ACAP3: variants seen among roughly 807,000 people sequenced by gnomAD.
The protein encoded by ACAP3 is arf-GAP with coiled-coil, ANK repeat and PH domain-containing protein 3.
ACAP3 carries 56 observed loss-of-function variants against 104.1 expected under a neutral mutation model. The ratio of observed to expected loss-of-function variants is 0.54; its 90% CI spans 0.43 to 0.67. The LOEUF is 0.67. Among genes scored for constraint, ACAP3 ranks in the 30% least tolerant of loss-of-function variants. The pLI is 0.00. For missense variants in ACAP3, 1,208 were observed against 1,174.9 expected, an observed-to-expected ratio of 1.03 and a Z score of -0.41; for synonymous variants, 628 against 496.2, an observed-to-expected ratio of 1.27 and a Z score of -3.53.
intron 1 of ACAP3, chr1:1,305,798 G>A (rs549725021): frequency 6.6e-6 from 1 of 152,350 alleles, no homozygotes; most frequent in South Asian, 2.1e-4. Context: ...CAGAGGCCAG[G>A]CGGTTCCCCT....
rs1641817161 is a variant in ACAP3 at position 1,307,910 on chromosome 1, G to A, written c.-95C>T. Reference sequence around the variant, plus strand: ...CCGCTCGTCCCGCCCGCGCCGCCTCGGCGCCCGCCCGCCCCGGAATGAGGC... The same window carrying A: ...CCGCTCGTCCCGCCCGCGCCGCCTCAGCGCCCGCCCGCCCCGGAATGAGGC... On this transcript the variant is annotated 5_prime_UTR_variant, in exon 1 of 24. Coordinates refer to ENST00000354700, the MANE Select transcript of ACAP3 (RefSeq NM_030649.3). 8.5e-6 allele frequency: 6 copies of A among 704,598 alleles called. No homozygotes were observed. The highest frequency in any genetic ancestry group is 2.0e-5 in the African/African-American group (1 of 50,604). 43.6% of individuals were successfully genotyped at this position (704,598 alleles called of 1,614,324 possible). A position where few individuals can be genotyped will look rare whatever the true frequency, so the allele number is the denominator to read the frequency against.
chr1:1,296,812 C>T (rs948544396), intron 14 of ACAP3, among the ~76,000 whole-genome samples, 179 bp from the exon 15 acceptor site: 1 of 141,556 alleles, frequency 7.1e-6, no homozygotes, highest in Non-Finnish European at 1.6e-5. Context: ...CTCGAGCACA[C>T]GCCCGCACAC....
At chr1:1,298,217 C>A in intron 12 of ACAP3, 104 bp from the exon 13 acceptor site, 1 of 1,569,336 alleles carries the variant, frequency 6.4e-7, no homozygotes, top group Non-Finnish European at 8.6e-7. Flanking sequence ...GCCTGAGCCC[C>A]AAGCCCCGTG....
intron 14 of ACAP3, among the ~76,000 whole-genome samples, chr1:1,297,111 G>A (rs1389947610): frequency 6.6e-6 from 1 of 152,106 alleles, no homozygotes; most frequent in Admixed American, 6.5e-5. Flanking sequence ...ACGTAGGTGT[G>A]TGCACCGGCA....
At chr1:1,294,011 G>A (rs865838201) in intron 22 of ACAP3, 78 bp from the exon 23 acceptor site, 1 of 1,475,876 alleles carries the variant, frequency 6.8e-7, no homozygotes, top group Middle Eastern at 2.0e-4. Context: ...TGGCCGGATA[G>A]GGCATGGCGG....
At position 1,293,666 on chromosome 1, in the gene ACAP3, C is replaced by G; in HGVS notation, c.2403G>C (p.Glu801Asp). ...ARMAEEMREAEAAPGPPGALA... is the reference protein window; with the variant it reads ...ARMAEEMREADAAPGPPGALA... ...GGGCGCCCGGGGGACCAGGGGCAGC[C>G]TCGGCCTCGCGCATTTCCTCCGCCA... is the stretch of plus-strand genomic sequence containing the variant. Residue 801 changes from glutamate to aspartate, a missense_variant, in exon 24 of 24, where the codon GAG (glutamate) becomes GAC (aspartate). Transcript: ENST00000354700. 6.9e-7 allele frequency: 1 copy of G among 1,457,394 alleles called. No individual in the cohort carries two copies. Among genetic ancestry groups the G allele is most frequent in the Non-Finnish European group, 9.0e-7 (1 of 1,114,088 alleles). The allele number at this position is 1,457,394 out of a possible 1,614,324, so 90.3% of individuals were successfully genotyped here.
chr1:1,293,823 A>G lies in ACAP3; in HGVS notation c.2360T>C (p.Leu787Pro). 7.5e-7 allele frequency: 1 copy of G among 1,332,850 alleles called. No individual in the cohort carries two copies. The highest frequency in any genetic ancestry group is 9.7e-7 in the Non-Finnish European group (1 of 1,030,592). 82.6% of individuals were successfully genotyped at this position (1,332,850 alleles called of 1,614,324 possible). A position where few individuals can be genotyped will look rare whatever the true frequency, so the allele number is the denominator to read the frequency against. ...VQAANADIVT[L>P]LRLARMAEEM... ...GCCCCGAGGGCCCGGCCGCGCTCAC[A>G]GTGTCACGATGTCAGCGTTGGCCGC... is the stretch of plus-strand genomic sequence containing the variant. The change falls in exon 23 of 24, where the codon CTG (leucine) becomes CCG (proline). Residue 787 changes from leucine to proline, a missense_variant and splice_region_variant. Leu to Pro is a moderately conservative substitution (Grantham distance 98). Coordinates refer to ENST00000354700, the MANE Select transcript of ACAP3 (RefSeq NM_030649.3).
chr1:1,304,353 C>G (rs1448287532), intron 1 of ACAP3: 1 of 601,570 alleles, frequency 1.7e-6, no homozygotes, highest in Non-Finnish European at 2.8e-6. Flanking sequence ...CAGGCAGAGG[C>G]AGCCGCTGCT....
intron 1 of ACAP3, chr1:1,304,631 C>A: frequency 6.0e-6 from 1 of 165,702 alleles, no homozygotes; most frequent in Non-Finnish European, 1.3e-5. Flanking sequence ...GTCCTGGCAG[C>A]ACCAGGAGGA....
chr1:1,298,817 G>A (rs1204072939), intron 10 of ACAP3, 138 bp from the exon 11 acceptor site: 2 of 679,614 alleles, frequency 2.9e-6, no homozygotes, highest in Non-Finnish European at 5.2e-6. Flanking sequence ...TCAGACGAGA[G>A]ACCCTCTGTT....
rs866964637 is a variant in ACAP3, at chr1:1,296,233, G to A, written c.1385C>T (p.Ser462Leu). ...CACCTTTAGCAGCTCAGGCTCCCACGAGTCCAGCGTCAGGGACCGCACCTT... is the reference window on the plus strand; with the variant it reads ...CACCTTTAGCAGCTCAGGCTCCCACAAGTCCAGCGTCAGGGACCGCACCTT... ...CSKVRSLTLD[S>L]WEPELLKLMC... Residue 462 changes from serine to leucine, a missense_variant, in exon 16 of 24, where the codon TCG becomes TTG. Coordinates refer to ENST00000354700, the MANE Select transcript of ACAP3 (RefSeq NM_030649.3). 51 of 1,566,612 alleles carry A rather than the reference G, an allele frequency of 3.3e-5. No individual in the cohort carries two copies. The highest frequency in any genetic ancestry group is 4.4e-5 in the Non-Finnish European group (51 of 1,155,526).
intron 10 of ACAP3, chr1:1,299,032 C>G: frequency 3.6e-6 from 2 of 560,502 alleles, no homozygotes; most frequent in East Asian, 6.4e-5. Flanking sequence ...GCGGACAGAG[C>G]CCCATTCAGG....
At chr1:1,294,969 C>A (rs905166204) in intron 19 of ACAP3, 153 bp from the exon 20 acceptor site, 4 of 693,218 alleles carry the variant, frequency 5.8e-6, no homozygotes, top group African/African-American at 3.6e-5. Context: ...CAGCTGCAGG[C>A]TAGGAGCAAA....
rs1641536649 is a variant in ACAP3 at position 1,303,365 on chromosome 1, A to AGCT, written c.106-87_106-85dup. The AGCT allele has an allele frequency of 6.6e-7, 1 of 1,508,192 alleles. No individual in the cohort carries two copies. The highest frequency in any genetic ancestry group is 2.1e-5 in the Admixed American group (1 of 48,516). 93.4% of individuals were successfully genotyped at this position (1,508,192 alleles called of 1,614,324 possible). A position where few individuals can be genotyped will look rare whatever the true frequency, so the allele number is the denominator to read the frequency against. On this transcript the variant is annotated intron_variant, in intron 2 of 23. Transcript: ENST00000354700. The surrounding 1 kb of genome is among the most constrained non-coding windows in gnomAD (Gnocchi z 4.0). ...CACACGGCCACTCAGAGGCAGGAAGAGCTCCCAGGGTAGGTTCCACTCAGG... is the reference window on the plus strand; with the variant it reads ...CACACGGCCACTCAGAGGCAGGAAGAGCTGCTCCCAGGGTAGGTTCCACTCAGG...
At chr1:1,307,522 G>A (rs1641790942) in intron 1 of ACAP3, 16 of 1,151,546 alleles carry the variant, frequency 1.4e-5, no homozygotes, top group Admixed American at 2.9e-5. Flanking sequence ...GGACGGTCCC[G>A]AGGTGCCCAC....
At position 1,293,949 on chromosome 1, in the gene ACAP3, G is replaced by A. The variant is rs752992021; in HGVS notation, c.2250-16C>T. 2.4e-5 allele frequency: 37 copies of A among 1,563,466 alleles called. No homozygotes were observed. The highest frequency in any genetic ancestry group is 2.8e-5 in the Non-Finnish European group (32 of 1,158,750). ...GCAAACCTGGCTGAGGGGCGAGGTC[G>A]GAGGGGCGTGTCGGGGCGGGGCGGG... On this transcript the variant is annotated splice_polypyrimidine_tract_variant and intron_variant, in intron 22 of 23. Transcript: ENST00000354700.
At chr1:1,299,618 C>T in intron 9 of ACAP3, 1 of 718,462 alleles carries the variant, frequency 1.4e-6, no homozygotes, top group Non-Finnish European at 2.3e-6. Flanking sequence ...GTGACCACCG[C>T]CTCAAAAGGA....
At chr1:1,294,667 G>A (rs1177371305) in intron 20 of ACAP3, 39 bp from the exon 21 acceptor site, 3 of 1,539,992 alleles carry the variant, frequency 1.9e-6, no homozygotes, top group Admixed American at 2.0e-5. Flanking sequence ...AACCCCCGGG[G>A]CTGCCCAGGG....
chr1:1,304,541 C>T (rs1641599084), intron 1 of ACAP3: 1 of 293,088 alleles, frequency 3.4e-6, no homozygotes, highest in African/African-American at 2.2e-5. Flanking sequence ...CCCCTCACCC[C>T]ACTGCACTAC....
Sources: allele counts gnomAD v4.1 joint callset (sites outside exome capture counted in the v4.1 genomes callset), GRCh38; gene constraint gnomAD v4.1.1; non-coding constraint Gnocchi (gnomAD v3.1); transcripts MANE v1.5; gene names NCBI Gene and HGNC (gene_info 2026-07-23, HGNC 2026-07-21).